The following TPGS2 variants were observed in gnomAD, a reference collection of about 807,000 sequenced individuals.
TPGS2 encodes the protein polyglutamylase subunit 2.
Under a neutral mutation model 31.1 loss-of-function variants are expected in TPGS2, and 26 were observed. That is an observed-to-expected ratio of 0.84 (90% CI 0.61 to 1.16). TPGS2 has a LOEUF of 1.16. Ranked by LOEUF, TPGS2 falls within the 50% of genes most tolerant of loss-of-function variation. TPGS2 has a pLI of 0.00. For synonymous variants in TPGS2, 130 were observed against 136.6 expected (o/e 0.95, Z 0.34); for missense variants, 351 against 363.8 (o/e 0.96, Z 0.29).
chr18:36,797,663 G>A (rs1429412057), intron 6 of TPGS2, among the ~76,000 whole-genome samples: 1 of 149,994 alleles, frequency 6.7e-6, no homozygotes, highest in Non-Finnish European at 1.5e-5. Flanking sequence ...TACATACACA[G>A]TAAGGTGAGC....
chr18:36,823,783 T>G, intron 1 of TPGS2: 1 of 977,344 alleles, frequency 1.0e-6, no homozygotes, highest in African/African-American at 1.7e-5. Context: ...AAAGGGCTTA[T>G]GTGATTAGAT....
chr18:36,782,896 T>C (rs937367293), downstream of TPGS2: 1 of 390,176 alleles, frequency 2.6e-6, no homozygotes, highest in African/African-American at 2.1e-5. Flanking sequence ...AAGGGCCAGC[T>C]CTTGCCACTT....
rs2046334810 is a variant in TPGS2, at chr18:36,828,897, TGG to T, written c.-132_-131del. On this transcript the variant is annotated 5_prime_UTR_variant, in exon 1 of 7. Transcript: ENST00000334295. ...GCCTGAAAGCGCGGCGCAGTGATGA[TGG>T]GGGCCCGGGGTTGGTCTGACAGCAG... is the stretch of plus-strand genomic sequence containing the variant. The T allele has an allele frequency of 2.2e-5, 26 of 1,185,022 alleles. No homozygotes were observed. Among genetic ancestry groups the T allele is most frequent in the Non-Finnish European group, 3.0e-5 (26 of 852,512 alleles). The allele number at this position is 1,185,022 out of a possible 1,614,324, so 73.4% of individuals were successfully genotyped here.
chr18:36,813,434 A>C (rs754083705), intron 2 of TPGS2, among the ~76,000 whole-genome samples: 5 of 152,206 alleles, frequency 3.3e-5, no homozygotes, highest in Non-Finnish European at 7.3e-5. Context: ...AGGCTGTGGC[A>C]GGATGAATAA....
At chr18:36,781,665 G>A (rs1183300488), downstream of TPGS2, 3 of 751,094 alleles carry the variant, frequency 4.0e-6, no homozygotes, top group Non-Finnish European at 4.9e-6. Context: ...TAGCCTCTGC[G>A]ACTCTGCATT....
chr18:36,828,660 G>C, intron 1 of TPGS2, 23 bp downstream of exon 1: 4 of 1,613,380 alleles, frequency 2.5e-6, no homozygotes, highest in Non-Finnish European at 3.4e-6. Context: ...ACACCCTCTC[G>C]GCACCGTGCC....
chr18:36,825,432 C>CAAAAA (rs60365266), intron 1 of TPGS2, among the ~76,000 whole-genome samples: 3 of 77,430 alleles, frequency 3.9e-5, no homozygotes, highest in Admixed American at 1.4e-4. Flanking sequence ...ACTCCGTCTC[C>CAAAAA]AAAAAAAAAA....
downstream of TPGS2, among the ~76,000 whole-genome samples, chr18:36,780,892 G>A (rs2043994082): frequency 6.6e-6 from 1 of 152,176 alleles, no homozygotes; most frequent in African/African-American, 2.4e-5. Flanking sequence ...GGACATTACT[G>A]TGCACTTTTA....
downstream of TPGS2, among the ~76,000 whole-genome samples, chr18:36,792,688 T>C (rs2044356916): frequency 1.3e-5 from 2 of 152,182 alleles, no homozygotes; most frequent in South Asian, 4.1e-4. Flanking sequence ...GATCTGGGTA[T>C]CTTACTTTCT....
chr18:36,818,862 A>C, intron 2 of TPGS2, 32 bp downstream of exon 2: 2 of 1,586,496 alleles, frequency 1.3e-6, no homozygotes, highest in Non-Finnish European at 1.7e-6. Flanking sequence ...CCTCTCTTTG[A>C]TGGGAGGTAG....
In TPGS2 at chr18:36,796,713, G is replaced by A. The variant is rs1600743330; in HGVS notation, c.*92C>T. The A allele has an allele frequency of 2.7e-6, 4 of 1,501,978 alleles. No individual in the cohort carries two copies. The highest frequency in any genetic ancestry group is 1.4e-5 in the African/African-American group (1 of 70,216). The allele number at this position is 1,501,978 out of a possible 1,614,324, so 93.0% of individuals were successfully genotyped here. On this transcript the variant is annotated 3_prime_UTR_variant, in exon 7 of 7. Transcript: ENST00000334295. ...GTCATTCAACTAGAAAGAGGCCTAC[G>A]GTCCACACGCAAAACTGGAGGTCAC...
intron 2 of TPGS2, among the ~76,000 whole-genome samples, chr18:36,815,292 C>T (rs2045602617): frequency 6.6e-6 from 1 of 152,176 alleles, no homozygotes; most frequent in Non-Finnish European, 1.5e-5. Flanking sequence ...AGTTACAGAG[C>T]AGTCCAAAAC....
In TPGS2 at chr18:36,805,617, C is replaced by T. The variant is rs200130359; in HGVS notation, c.254-115G>A. ...AGGTATTGTTTCGCCCCATGGCTGA[C>T]GAATCTGATGGAAGGTGGGAAGAAG... On this transcript the variant is annotated intron_variant, in intron 3 of 6. Transcript: ENST00000334295. 2,723 of 1,370,184 alleles carry T rather than the reference C, an allele frequency of 2.0e-3. 49 individuals carry two copies. In the South Asian group the frequency reaches 0.026, roughly 13 times the overall value. The allele number at this position is 1,370,184 out of a possible 1,614,324, so 84.9% of individuals were successfully genotyped here.
At position 36,795,283 on chromosome 18, in the gene TPGS2, T is replaced by C. The variant is rs752324965; in HGVS notation, c.*1522A>G. On this transcript the variant is annotated 3_prime_UTR_variant, in exon 7 of 7. Coordinates refer to ENST00000334295, the MANE Select transcript of TPGS2 (RefSeq NM_015476.4). ...GGGTTTGGAAGAGGGAAACCCTGGG[T>C]CGATTAGCAGGTAGACAGTGCAAAG... 6 of 985,364 alleles carry C rather than the reference T, an allele frequency of 6.1e-6. No homozygotes were observed. The highest frequency in any genetic ancestry group is 7.2e-6 in the Non-Finnish European group (6 of 829,958). The allele number at this position is 985,364 out of a possible 1,614,324, so 61.0% of individuals were successfully genotyped here.
intron 6 of TPGS2, among the ~76,000 whole-genome samples, 164 bp from the exon 7 acceptor site, chr18:36,797,214 A>G (rs552396205): frequency 1.3e-5 from 2 of 152,262 alleles, no homozygotes; most frequent in South Asian, 4.2e-4. Flanking sequence ...GGAGGTGATA[A>G]CAGATCCCAT....
At chr18:36,783,205 T>C (rs1433380708) in intron 6 of TPGS2, 4 of 394,406 alleles carry the variant, frequency 1.0e-5, no homozygotes, top group Non-Finnish European at 1.8e-5. Flanking sequence ...GGATGTTTCC[T>C]GTTGCTTGTT....
At chr18:36,783,926 G>A (rs2044071757) in intron 6 of TPGS2, among the ~76,000 whole-genome samples, 1 of 152,114 alleles carries the variant, frequency 6.6e-6, no homozygotes, top group African/African-American at 2.4e-5. Flanking sequence ...AGTCATGAGT[G>A]TCCCTTATAA....
At chr18:36,821,325 G>C (rs1425300972) in intron 1 of TPGS2, among the ~76,000 whole-genome samples, 2 of 152,116 alleles carry the variant, frequency 1.3e-5, no homozygotes, top group Non-Finnish European at 2.9e-5. Flanking sequence ...GATGATTCCA[G>C]TCCCAGCTGC....
downstream of TPGS2, among the ~76,000 whole-genome samples, chr18:36,792,831 C>T (rs914771478): frequency 6.6e-6 from 1 of 152,244 alleles, no homozygotes; most frequent in African/African-American, 2.4e-5. Context: ...GATGATGTAG[C>T]ACTTTATGTA....
Sources: gnomAD v4.1 joint callset for allele counts (sites outside exome capture counted in the v4.1 genomes callset) on GRCh38, gnomAD v4.1.1 for gene constraint, MANE v1.5 for transcripts, NCBI Gene and HGNC (gene_info 2026-07-23, HGNC 2026-07-21) for gene names.